Variants in CECR2 observed in about 807,000 individuals in gnomAD.
CECR2 encodes the protein CECR2 histone acetyl-lysine reader, also known as chromatin remodeling regulator CECR2.
Under a neutral mutation model 154.5 loss-of-function variants are expected in CECR2, and 30 were observed. The ratio of observed to expected loss-of-function variants is 0.19; its 90% CI spans 0.15 to 0.26. The LOEUF is 0.26. Ranked by LOEUF, CECR2 falls within the 10% of genes least tolerant of loss-of-function variation. CECR2 has a pLI of 1.00. For missense variants in CECR2, 1,743 were observed against 1,829.3 expected, an observed-to-expected ratio of 0.95 and a Z score of 0.86; for synonymous variants, 725 against 683.7, an observed-to-expected ratio of 1.06 and a Z score of -0.94.
At chr22:17,485,968 G>C (rs954049062) in intron 2 of CECR2, among the ~76,000 whole-genome samples, 19 of 152,088 alleles carry the variant, frequency 1.2e-4, no homozygotes, top group Non-Finnish European at 8.8e-5. Flanking sequence ...GCTTTAAAAC[G>C]TGGGTTTTGT....
At chr22:17,386,810 C>T (rs1159842474) in intron 1 of CECR2, among the ~76,000 whole-genome samples, 6 of 152,068 alleles carry the variant, frequency 3.9e-5, no homozygotes, top group Admixed American at 1.3e-4. Flanking sequence ...GCCACCACGC[C>T]CAGCTAATTT....
intron 1 of CECR2, among the ~76,000 whole-genome samples, chr22:17,454,667 T>C (rs1265907853): frequency 6.6e-6 from 1 of 151,810 alleles, no homozygotes; most frequent in African/African-American, 2.4e-5. Context: ...AACAGGTCTG[T>C]TGCCCTTGAT....
At chr22:17,514,756 A>G (rs959793885) in intron 8 of CECR2, among the ~76,000 whole-genome samples, 2 of 152,142 alleles carry the variant, frequency 1.3e-5, no homozygotes, top group African/African-American at 4.8e-5. Flanking sequence ...CTTGTGGGCC[A>G]GGCGCGGTGG....
chr22:17,396,855 G>A (rs1351897754), intron 1 of CECR2, among the ~76,000 whole-genome samples: 1 of 152,200 alleles, frequency 6.6e-6, no homozygotes, highest in African/African-American at 2.4e-5. Flanking sequence ...GAGATGACAG[G>A]ACGTGAAGTA....
chr22:17,360,151 G>T (rs914613374), intron 1 of CECR2: 4 of 152,234 alleles, frequency 2.6e-5, no homozygotes, highest in Non-Finnish European at 4.4e-5. Flanking sequence ...AAACTAAGTG[G>T]AAATAGAAAA....
At chr22:17,537,463 C>T (rs2056455023) in intron 10 of CECR2, among the ~76,000 whole-genome samples, 1 of 152,170 alleles carries the variant, frequency 6.6e-6, no homozygotes, top group African/African-American at 2.4e-5. Context: ...TTCTTCATCC[C>T]CTCAATTTAA....
chr22:17,516,595 G>C (rs2056060824), intron 8 of CECR2, among the ~76,000 whole-genome samples: 1 of 151,910 alleles, frequency 6.6e-6, no homozygotes, highest in South Asian at 2.1e-4. Context: ...AGGAGATCTG[G>C]CTGGTGTTTT....
At chr22:17,546,418 G>A (rs1378747991) in intron 16 of CECR2, among the ~76,000 whole-genome samples, 2 of 150,060 alleles carry the variant, frequency 1.3e-5, no homozygotes, top group African/African-American at 2.5e-5. Context: ...CCCGGGAGGC[G>A]GAGCTTGCAG....
intron 1 of CECR2, among the ~76,000 whole-genome samples, chr22:17,433,463 T>G (rs1250600684): frequency 6.6e-6 from 1 of 152,164 alleles, no homozygotes; most frequent in Non-Finnish European, 1.5e-5. Context: ...TTGTTGTTCT[T>G]TAAACAGACT....
At chr22:17,430,410 C>A (rs2054403418) in intron 1 of CECR2, among the ~76,000 whole-genome samples, 1 of 152,110 alleles carries the variant, frequency 6.6e-6, no homozygotes, top group Admixed American at 6.6e-5. Flanking sequence ...ACTTATTCTA[C>A]CCCCTAATTC....
At chr22:17,398,229 A>C (rs2146526608) in intron 1 of CECR2, among the ~76,000 whole-genome samples, 1 of 152,106 alleles carries the variant, frequency 6.6e-6, no homozygotes, top group East Asian at 1.9e-4. Flanking sequence ...AAAATATAAA[A>C]TACGTGTTAT....
At chr22:17,481,049 T>TAAAAAAAAAAAGAAAAAAAAAAAA (rs2055304386) in intron 2 of CECR2, among the ~76,000 whole-genome samples, 1 of 92,068 alleles carries the variant, frequency 1.1e-5, no homozygotes, top group African/African-American at 3.7e-5. Context: ...CTTTTTTTTT[T>TAAAAAAAAAAAGAAAAAAAAAAAA]AAAAAAAAAA....
chr22:17,425,183 T>G (rs1394518262), intron 1 of CECR2, among the ~76,000 whole-genome samples: 1 of 152,128 alleles, frequency 6.6e-6, no homozygotes, highest in East Asian at 1.9e-4. Context: ...CTTCTCCTTT[T>G]AGCGTCCAAG....
At chr22:17,462,702 T>C (rs1443042675) in intron 1 of CECR2, among the ~76,000 whole-genome samples, 2 of 151,876 alleles carry the variant, frequency 1.3e-5, no homozygotes, top group Admixed American at 1.3e-4. Context: ...GATCACGAGG[T>C]CAGGAGTTCA....
At chr22:17,361,520 A>C (rs189307338) in intron 1 of CECR2, among the ~76,000 whole-genome samples, 206 of 151,914 alleles carry the variant, frequency 1.4e-3, no homozygotes, top group African/African-American at 4.7e-3. Context: ...AAAAAAAAAC[A>C]ACCTAGGTTA....
chr22:17,530,583 A>G (rs773452495), intron 9 of CECR2, among the ~76,000 whole-genome samples: 53 of 151,358 alleles, frequency 3.5e-4, no homozygotes, highest in Non-Finnish European at 6.5e-4. Context: ...AGGCTGAGAC[A>G]GGAGAATTGC....
chr22:17,376,521 G>A (rs964455571), intron 1 of CECR2, among the ~76,000 whole-genome samples: 5 of 152,000 alleles, frequency 3.3e-5, no homozygotes, highest in Non-Finnish European at 5.9e-5. Context: ...GGCAGAGTGC[G>A]GAAAACTGCA....
intron 1 of CECR2, among the ~76,000 whole-genome samples, chr22:17,459,977 G>T (rs1165261676): frequency 6.6e-6 from 1 of 152,158 alleles, no homozygotes; most frequent in African/African-American, 2.4e-5. Context: ...GTGTTTCTCA[G>T]GGTATTTATT....
intron 4 of CECR2, among the ~76,000 whole-genome samples, chr22:17,499,937 C>T (rs533150677): frequency 3.0e-4 from 46 of 152,246 alleles, no homozygotes; most frequent in Admixed American, 7.2e-4. Context: ...TTATGCCAGG[C>T]GCAGTGGCTC....
Sources: gnomAD v4.1 joint callset for allele counts (sites outside exome capture counted in the v4.1 genomes callset) on GRCh38, gnomAD v4.1.1 for gene constraint, MANE v1.5 for transcripts, NCBI Gene and HGNC (gene_info 2026-07-23, HGNC 2026-07-21) for gene names.